The following C13orf46 variants were observed in gnomAD, a reference collection of about 807,000 sequenced individuals.
C13orf46 encodes the protein chromosome 13 open reading frame 46, also known as uncharacterized protein C13orf46.
intron 6 of C13orf46, among the ~76,000 whole-genome samples, chr13:113,958,628 G>C (rs1266452869): frequency 6.6e-6 from 1 of 152,254 alleles, no homozygotes; most frequent in Non-Finnish European, 1.5e-5. Context: ...CAGAAACACG[G>C]CGTGGGGCAA....
downstream of C13orf46, among the ~76,000 whole-genome samples, chr13:113,949,987 G>A (rs1433776800): frequency 1.3e-5 from 2 of 150,062 alleles, no homozygotes; most frequent in South Asian, 2.1e-4. Context: ...GCTTCCATCT[G>A]TAGAGTGGGG....
At chr13:113,948,029 A>G in the C13orf46 span, among the ~76,000 whole-genome samples, 661 of 152,362 alleles carry the variant, frequency 4.3e-3, 31 homozygotes, top group East Asian at 0.1. Flanking sequence ...GCTCAGGCTG[A>G]CCCATGAAAA....
chr13:113,945,597 GA>G, the C13orf46 span, among the ~76,000 whole-genome samples: 10 of 121,812 alleles, frequency 8.2e-5, no homozygotes, highest in South Asian at 2.7e-4. Flanking sequence ...GAGAGAGAAA[GA>G]AAGAAAGAAG....
At chr13:113,964,156 G>C (rs1048516726) in intron 6 of C13orf46, among the ~76,000 whole-genome samples, 21 of 152,192 alleles carry the variant, frequency 1.4e-4, no homozygotes, top group African/African-American at 5.1e-4. Flanking sequence ...TCATGTGACT[G>C]TTTTATAAAG....
chr13:113,938,580 C>G, the C13orf46 span, among the ~76,000 whole-genome samples: 1 of 152,202 alleles, frequency 6.6e-6, no homozygotes, highest in African/African-American at 2.4e-5. Context: ...CCGAATAATC[C>G]AAGGCTATCT....
Position 113,956,806 on chromosome 13 carries a change from G to A in C13orf46, c.606C>T (p.Tyr202=), listed in dbSNP as rs2052538632. The change falls in exon 7 of 7, where the codon TAC becomes TAT. Residue 202 remains tyrosine, a synonymous_variant. Coordinates refer to ENST00000636427, the MANE Select transcript of C13orf46 (RefSeq NM_001365455.2). The part of the protein sequence containing the change: ...MQTSWVCCIP[Y]STRKRAKEST ...TCTCCTTTGCCCTCTTCCTGGTGGA[G>A]TACGGGATGCAGCACACCCAGCTGG... The A allele has an allele frequency of 6.6e-6, 1 of 152,348 alleles. No homozygotes were observed. Among genetic ancestry groups the A allele is most frequent in the South Asian group, 2.1e-4 (1 of 4,838 alleles). 9.4% of individuals were successfully genotyped at this position (152,348 alleles called of 1,614,324 possible). A position where few individuals can be genotyped will look rare whatever the true frequency, so the allele number is the denominator to read the frequency against.
rs1200452212 is a variant in C13orf46 at position 113,954,081 on chromosome 13, G to A, written c.*2692C>T. On this transcript the variant is annotated 3_prime_UTR_variant, in exon 7 of 7. Transcript: ENST00000636427. ...CTACCCAGTGGGACAAGCTCTGCGTGGCATGCGGCTCCCTGAAAAGGGCCC... is the reference window on the plus strand; with the variant it reads ...CTACCCAGTGGGACAAGCTCTGCGTAGCATGCGGCTCCCTGAAAAGGGCCC... 1 of 152,268 alleles carries A rather than the reference G, an allele frequency of 6.6e-6. No homozygotes were observed. The highest frequency in any genetic ancestry group is 1.5e-5 in the Non-Finnish European group (1 of 68,068). The allele number at this position is 152,268 out of a possible 1,614,324, so 9.4% of individuals were successfully genotyped here.
At chr13:113,947,412 C>T in the C13orf46 span, among the ~76,000 whole-genome samples, 3 of 152,262 alleles carry the variant, frequency 2.0e-5, no homozygotes, top group Non-Finnish European at 4.4e-5. Flanking sequence ...TCACTGCTGC[C>T]GTCTGCTGTC....
the C13orf46 span, among the ~76,000 whole-genome samples, chr13:113,931,521 G>A: frequency 6.6e-6 from 1 of 152,196 alleles, no homozygotes; most frequent in Non-Finnish European, 1.5e-5. Flanking sequence ...GTGGGGATGA[G>A]CGCCCCTCAG....
intron 6 of C13orf46, among the ~76,000 whole-genome samples, chr13:113,959,199 G>A (rs1276766066): frequency 6.6e-6 from 1 of 152,196 alleles, no homozygotes; most frequent in Admixed American, 6.5e-5. Context: ...TTGAGCCCAG[G>A]GGGTGGAGGT....
intron 6 of C13orf46, among the ~76,000 whole-genome samples, chr13:113,959,482 A>G (rs1217511327): frequency 3.3e-5 from 5 of 152,226 alleles, no homozygotes; most frequent in African/African-American, 1.2e-4. Flanking sequence ...GAAATGAATC[A>G]TAACAAAGTG....
chr13:113,947,813 C>G, the C13orf46 span, among the ~76,000 whole-genome samples: 1 of 152,256 alleles, frequency 6.6e-6, no homozygotes. Context: ...CACTTCCCCC[C>G]AGACACTCAC....
At chr13:113,964,248 T>C (rs1185799439) in intron 6 of C13orf46, among the ~76,000 whole-genome samples, 1 of 152,250 alleles carries the variant, frequency 6.6e-6, no homozygotes, top group African/African-American at 2.4e-5. Context: ...GGTAGGCATT[T>C]GGACAATTGC....
At chr13:113,960,519 G>T (rs1257144127) in intron 6 of C13orf46, among the ~76,000 whole-genome samples, 1 of 152,134 alleles carries the variant, frequency 6.6e-6, no homozygotes, top group Non-Finnish European at 1.5e-5. Flanking sequence ...AGAAGGCCTG[G>T]GATAACAACT....
downstream of C13orf46, among the ~76,000 whole-genome samples, chr13:113,951,879 C>T (rs1050887234): frequency 1.3e-5 from 2 of 152,230 alleles, no homozygotes; most frequent in East Asian, 1.9e-4. Context: ...TTCAGCACTC[C>T]GGACAGGGCC....
At chr13:113,937,234 G>A in the C13orf46 span, among the ~76,000 whole-genome samples, 47 of 152,122 alleles carry the variant, frequency 3.1e-4, no homozygotes, top group African/African-American at 8.2e-4. Flanking sequence ...TGGCATCCCC[G>A]GTCCGAGGCT....
chr13:113,965,281 G>T (rs1209418465), intron 5 of C13orf46, among the ~76,000 whole-genome samples: 2 of 152,214 alleles, frequency 1.3e-5, no homozygotes, highest in African/African-American at 4.8e-5. Flanking sequence ...CCCAAGAATA[G>T]CCTTGTTGGG....
At chr13:113,970,891 G>GT (rs1385979260) in intron 1 of C13orf46, among the ~76,000 whole-genome samples, 4 of 152,306 alleles carry the variant, frequency 2.6e-5, no homozygotes, top group Middle Eastern at 3.4e-3. Context: ...AAGCCTGGCT[G>GT]TTGGCCACCG....
chr13:113,964,320 G>T (rs1408127218), intron 6 of C13orf46, among the ~76,000 whole-genome samples: 13 of 152,176 alleles, frequency 8.5e-5, no homozygotes, highest in Non-Finnish European at 1.5e-5. Flanking sequence ...CCCCTTCAAT[G>T]GGCCAGTGTC....
Sources: gnomAD v4.1 joint callset for allele counts (sites outside exome capture counted in the v4.1 genomes callset) on GRCh38, gnomAD v4.1.1 for gene constraint, MANE v1.5 for transcripts, NCBI Gene and HGNC (gene_info 2026-07-23, HGNC 2026-07-21) for gene names.